ATRNL1: variants seen among roughly 807,000 people sequenced by gnomAD.
The protein encoded by ATRNL1 is attractin-like protein 1.
A neutral mutation model predicts 182.7 loss-of-function variants in ATRNL1; 95 were observed. The ratio of observed to expected loss-of-function variants is 0.52; its 90% CI spans 0.44 to 0.62. The LOEUF is 0.62. Among genes scored for constraint, ATRNL1 ranks in the 20% least tolerant of loss-of-function variants. The pLI is 0.00. For synonymous variants in ATRNL1, 576 were observed against 568.3 expected (o/e 1.01, Z -0.19); for missense variants, 1,471 against 1,679.5 (o/e 0.88, Z 2.17).
intron 26 of ATRNL1, among the ~76,000 whole-genome samples, chr10:115,689,780 C>G (rs76341141): frequency 0.016 from 2,398 of 152,264 alleles, 55 homozygotes; most frequent in East Asian, 0.13. Flanking sequence ...CTGTCCTGCT[C>G]TCTGCAGCAA....
intron 7 of ATRNL1, among the ~76,000 whole-genome samples, chr10:115,170,619 G>A (rs1847250070): frequency 1.3e-5 from 2 of 152,048 alleles, no homozygotes; most frequent in African/African-American, 4.8e-5. Flanking sequence ...CAGCAACTTA[G>A]TTTGTTATCT....
intron 19 of ATRNL1, among the ~76,000 whole-genome samples, chr10:115,337,194 T>C (rs1247852656): frequency 2.0e-5 from 3 of 152,076 alleles, no homozygotes; most frequent in Non-Finnish European, 4.4e-5. Context: ...AAGAATTCAA[T>C]TTTTAATTTT....
chr10:115,297,381 C>T (rs535638957), intron 15 of ATRNL1, among the ~76,000 whole-genome samples: 15 of 152,026 alleles, frequency 9.9e-5, no homozygotes, highest in Non-Finnish European at 1.5e-4. Context: ...GTGGCTGACG[C>T]CTGTAATCCC....
At chr10:115,227,094 A>G (rs140165749) in intron 9 of ATRNL1, among the ~76,000 whole-genome samples, 240 of 152,268 alleles carry the variant, frequency 1.6e-3, no homozygotes, top group African/African-American at 5.4e-3. Flanking sequence ...CAAACTACAG[A>G]GCTCTTCACA....
At chr10:115,583,803 G>A (rs1555008710) in intron 26 of ATRNL1, among the ~76,000 whole-genome samples, 2 of 150,428 alleles carry the variant, frequency 1.3e-5, no homozygotes, top group African/African-American at 4.9e-5. Flanking sequence ...TAGGAGTGGT[G>A]AGAGAGGGCA....
intron 24 of ATRNL1, among the ~76,000 whole-genome samples, chr10:115,513,657 A>G (rs1850500389): frequency 6.6e-6 from 1 of 152,004 alleles, no homozygotes; most frequent in African/African-American, 2.4e-5. Context: ...ATTTTACAAA[A>G]TCATCCTTGT....
Position 115,348,640 on chromosome 10 carries a change from A to G in ATRNL1, c.3175+14221A>G, listed in dbSNP as rs552399345. Among the ~76,000 whole-genome samples the G allele has an allele frequency of 1.6e-4, 24 of 152,270 alleles. 1 individual carries two copies. The South Asian group carries it at 4.8e-3, about 30-fold the overall frequency. On this transcript the variant is annotated intron_variant, in intron 19 of 28. Transcript: ENST00000355044. ...CAATGAAGGAATATCCTTGAACTCC[A>G]TAAATACTTATTGAATGCCTAATAA...
chr10:115,631,284 T>A (rs1858491889), intron 26 of ATRNL1, among the ~76,000 whole-genome samples: 2 of 151,974 alleles, frequency 1.3e-5, no homozygotes, highest in Non-Finnish European at 1.5e-5. Flanking sequence ...AGCTTGACTG[T>A]AGTTCACTAT....
chr10:115,667,204 G>A (rs565969031), intron 26 of ATRNL1, among the ~76,000 whole-genome samples: 1 of 152,164 alleles, frequency 6.6e-6, no homozygotes, highest in South Asian at 2.1e-4. Flanking sequence ...TGGAGTATGA[G>A]ATCAGGATAT....
chr10:115,909,173 C>T (rs962231687), intron 28 of ATRNL1, among the ~76,000 whole-genome samples: 6 of 152,034 alleles, frequency 3.9e-5, no homozygotes, highest in Non-Finnish European at 7.4e-5. Flanking sequence ...CCTCCCCTTC[C>T]TCTTCATGCC....
intron 10 of ATRNL1, among the ~76,000 whole-genome samples, chr10:115,243,485 A>G (rs1850507037): frequency 6.6e-6 from 1 of 152,052 alleles, no homozygotes; most frequent in Non-Finnish European, 1.5e-5. Flanking sequence ...TATTATCCTA[A>G]TATTCAGAAG....
chr10:115,487,308 T>C (rs1554975409), intron 24 of ATRNL1, among the ~76,000 whole-genome samples: 1 of 152,170 alleles, frequency 6.6e-6, no homozygotes, highest in African/African-American at 2.4e-5. Context: ...GGGGATAGCA[T>C]TGACTCTATA....
At chr10:115,385,787 G>C (rs1858309970) in intron 19 of ATRNL1, among the ~76,000 whole-genome samples, 2 of 152,056 alleles carry the variant, frequency 1.3e-5, no homozygotes, top group Non-Finnish European at 2.9e-5. Context: ...CAGATGTCCA[G>C]TTGTTCTAGC....
At chr10:115,189,744 G>A (rs1301318281) in intron 8 of ATRNL1, among the ~76,000 whole-genome samples, 1 of 151,834 alleles carries the variant, frequency 6.6e-6, no homozygotes, top group African/African-American at 2.4e-5. Context: ...ATTGAAGGAA[G>A]AAAAATATTT....
chr10:115,912,948 C>A (rs570552397), intron 28 of ATRNL1, among the ~76,000 whole-genome samples: 15 of 152,208 alleles, frequency 9.9e-5, no homozygotes, highest in African/African-American at 3.1e-4. Flanking sequence ...TGCTAGACTG[C>A]CCAGAGCTCC....
intron 25 of ATRNL1, among the ~76,000 whole-genome samples, chr10:115,531,067 G>A (rs12265708): frequency 0.018 from 2,782 of 152,080 alleles, 80 homozygotes; most frequent in African/African-American, 0.064. Context: ...TTGCTATTGT[G>A]AATAGTGCCG....
In ATRNL1 at chr10:115,266,981, A is replaced by G. The variant is rs1215149445; in HGVS notation, c.1957A>G (p.Arg653Gly). 15 of 1,610,490 alleles carry G rather than the reference A, an allele frequency of 9.3e-6. No individual in the cohort carries two copies. The highest frequency in any genetic ancestry group is 1.3e-5 in the Non-Finnish European group (15 of 1,177,928). The change falls in exon 12 of 29, where the codon AGA becomes GGA. Residue 653 changes from arginine (R) to glycine (G), a missense_variant. This residue lies in a region of ATRNL1 where 1,031 missense variants were observed against 1,156.0 expected (regional missense o/e 0.89). Transcript: ENST00000355044. ...WESGNTNNIL[R>G]AKCPPKTAAS... ...ATCTGGGAATACTAATAATATTCTT[A>G]GAGCAAAGTGCCCTCCTAAAACAGG...
At chr10:115,398,220 G>A (rs1241716524) in intron 20 of ATRNL1, among the ~76,000 whole-genome samples, 3 of 151,976 alleles carry the variant, frequency 2.0e-5, no homozygotes, top group Non-Finnish European at 4.4e-5. Context: ...ATTGGCAGCC[G>A]CAGTGGGCAG....
At chr10:115,749,188 T>C (rs1233891428) in intron 27 of ATRNL1, among the ~76,000 whole-genome samples, 2 of 151,936 alleles carry the variant, frequency 1.3e-5, no homozygotes, top group African/African-American at 4.8e-5. Context: ...ACTTTTTAAA[T>C]ATAAGAACAT....
Sources: gnomAD v4.1 joint callset for allele counts (sites outside exome capture counted in the v4.1 genomes callset) on GRCh38, gnomAD v4.1.1 for gene constraint, gnomAD v4.1.1 regional missense constraint, MANE v1.5 for transcripts, NCBI Gene and HGNC (gene_info 2026-07-23, HGNC 2026-07-21) for gene names.